Variants in ARL15 observed in about 807,000 individuals in gnomAD.
The protein encoded by ARL15 is ADP-ribosylation factor-like protein 15.
In ARL15, 19 loss-of-function variants were observed where a neutral mutation model predicts 25.2. The ratio of observed to expected loss-of-function variants is 0.75; its 90% confidence interval spans 0.53 to 1.10. The LOEUF (loss-of-function observed/expected upper bound fraction) is 1.10, where lower values mean the gene tolerates loss of function less well. Among genes scored for constraint, ARL15 ranks in the 50% least tolerant of loss-of-function variants. The pLI, the probability that ARL15 is intolerant of heterozygous loss-of-function variation, is 0.00. For synonymous variants in ARL15, 94 were observed against 86.8 expected (o/e 1.08, Z -0.46); for missense variants, 220 against 246.0 (o/e 0.89, Z 0.71).
chr5:53,913,747 C>T (rs1745538784), intron 4 of ARL15, among the ~76,000 whole-genome samples: 1 of 152,136 alleles, frequency 6.6e-6, no homozygotes, highest in Non-Finnish European at 1.5e-5. Context: ...TCTATCTGTG[C>T]TTAAGACCCA....
intron 4 of ARL15, among the ~76,000 whole-genome samples, chr5:54,085,471 A>G (rs1751935924): frequency 6.6e-6 from 1 of 152,204 alleles, no homozygotes; most frequent in Non-Finnish European, 1.5e-5. Context: ...GCAGTGTGAC[A>G]TAGCTGTGAC....
At chr5:54,022,569 G>C (rs1344342211) in intron 4 of ARL15, among the ~76,000 whole-genome samples, 1 of 152,060 alleles carries the variant, frequency 6.6e-6, no homozygotes, top group Admixed American at 6.6e-5. Flanking sequence ...GACTTTATCC[G>C]TATAACAAGA....
At chr5:54,213,306 TTC>T (rs1756096332) in intron 1 of ARL15, among the ~76,000 whole-genome samples, 1 of 152,172 alleles carries the variant, frequency 6.6e-6, no homozygotes, top group African/African-American at 2.4e-5. Flanking sequence ...CTTAAAATAG[TTC>T]TCAAGTCCAA....
At chr5:53,965,096 C>G (rs1747505393) in intron 4 of ARL15, among the ~76,000 whole-genome samples, 1 of 152,192 alleles carries the variant, frequency 6.6e-6, no homozygotes, top group South Asian at 2.1e-4. Context: ...CTGCCCAGGC[C>G]CTCTAATCTT....
intron 1 of ARL15, among the ~76,000 whole-genome samples, chr5:54,197,306 G>C (rs1755578282): frequency 6.6e-6 from 1 of 152,076 alleles, no homozygotes; most frequent in South Asian, 2.1e-4. Context: ...GCCAGGGAAA[G>C]AACTTTAAAT....
intron 4 of ARL15, among the ~76,000 whole-genome samples, chr5:54,083,317 T>C (rs1751863043): frequency 6.6e-6 from 1 of 152,206 alleles, no homozygotes; most frequent in Non-Finnish European, 1.5e-5. Context: ...TTGAGGCTAA[T>C]GGAACTAAGG....
chr5:54,032,693 C>T lies in ARL15; in HGVS notation c.462+80509G>A, dbSNP rs555448570. 1.2e-3 allele frequency among the ~76,000 whole-genome samples: 187 copies of T among 152,118 alleles called. 1 individual carries two copies. Among genetic ancestry groups the T allele is most frequent in the Non-Finnish European group, 2.2e-3 (151 of 68,014 alleles). Reference sequence around the variant, plus strand: ...AGAGACTACTTAAGCATGGGAATTACTGTTGCACAAAACTAAAACTTAAGG... The same window carrying T: ...AGAGACTACTTAAGCATGGGAATTATTGTTGCACAAAACTAAAACTTAAGG... On this transcript the variant is annotated intron_variant, in intron 4 of 4. Transcript: ENST00000504924.
chr5:54,262,355 A>C (rs1757515942), intron 1 of ARL15, among the ~76,000 whole-genome samples: 2 of 152,154 alleles, frequency 1.3e-5, no homozygotes. Flanking sequence ...CAGATTATAA[A>C]ATATTTTACC....
intron 4 of ARL15, among the ~76,000 whole-genome samples, chr5:54,054,479 T>A (rs893292025): frequency 6.6e-6 from 1 of 152,126 alleles, no homozygotes; most frequent in Non-Finnish European, 1.5e-5. Flanking sequence ...CATTCAACAA[T>A]GTGGATGAGC....
chr5:54,154,256 T>A (rs945871265), intron 3 of ARL15: 12 of 199,182 alleles, frequency 6.0e-5, no homozygotes, highest in Non-Finnish European at 1.1e-4. Flanking sequence ...GAATAGTTGA[T>A]CTTTCAATGA....
At chr5:53,992,759 C>T (rs1038542656) in intron 4 of ARL15, among the ~76,000 whole-genome samples, 22 of 152,122 alleles carry the variant, frequency 1.4e-4, no homozygotes, top group Admixed American at 6.5e-5. Context: ...AGTATTGGTA[C>T]ATTGCATGAA....
chr5:53,993,134 A>C (rs1748561265), intron 4 of ARL15, among the ~76,000 whole-genome samples: 1 of 152,194 alleles, frequency 6.6e-6, no homozygotes, highest in South Asian at 2.1e-4. Context: ...GTTAAGTAGA[A>C]ATGTGTCATT....
chr5:53,905,619 C>G (rs547566728), intron 4 of ARL15, among the ~76,000 whole-genome samples: 2 of 152,288 alleles, frequency 1.3e-5, no homozygotes, highest in African/African-American at 4.8e-5. Context: ...AGCAGGTAAT[C>G]TTAGTGCTTT....
At chr5:54,074,648 C>T (rs1751534986) in intron 4 of ARL15, among the ~76,000 whole-genome samples, 1 of 152,088 alleles carries the variant, frequency 6.6e-6, no homozygotes, top group African/African-American at 2.4e-5. Flanking sequence ...AGAAAAGGCA[C>T]ATGTTTTCAG....
intron 1 of ARL15, among the ~76,000 whole-genome samples, chr5:54,196,877 T>G (rs752710457): frequency 1.3e-5 from 2 of 152,156 alleles, no homozygotes; most frequent in Non-Finnish European, 1.5e-5. Context: ...AGAAGCCTCC[T>G]TCAAATGAGA....
chr5:54,066,277 G>A (rs1041556861), intron 4 of ARL15, among the ~76,000 whole-genome samples: 1 of 152,040 alleles, frequency 6.6e-6, no homozygotes, highest in Admixed American at 6.6e-5. Flanking sequence ...ATTCACGAGC[G>A]ACATAGTGCA....
chr5:54,150,598 G>A (rs994355553), intron 3 of ARL15, among the ~76,000 whole-genome samples: 1 of 152,064 alleles, frequency 6.6e-6, no homozygotes, highest in African/African-American at 2.4e-5. Context: ...AGGAGTTCGA[G>A]ACCAGCCTGG....
At chr5:53,973,471 G>A (rs1331299267) in intron 4 of ARL15, among the ~76,000 whole-genome samples, 3 of 151,934 alleles carry the variant, frequency 2.0e-5, no homozygotes, top group Admixed American at 1.3e-4. Flanking sequence ...CTACTCGGAA[G>A]GCTGAGGCAG....
chr5:54,080,502 C>G (rs954381869), intron 4 of ARL15, among the ~76,000 whole-genome samples: 26 of 151,974 alleles, frequency 1.7e-4, no homozygotes, highest in African/African-American at 6.0e-4. Flanking sequence ...GTATCATGTT[C>G]TCATCATCCC....
Sources: allele counts gnomAD v4.1 joint callset (sites outside exome capture counted in the v4.1 genomes callset), GRCh38; gene constraint gnomAD v4.1.1; transcripts MANE v1.5; gene names NCBI Gene and HGNC (gene_info 2026-07-23, HGNC 2026-07-21).